HSD17B12: variants seen among roughly 807,000 people sequenced by gnomAD.
HSD17B12 encodes the protein hydroxysteroid 17-beta dehydrogenase 12, also known as very-long-chain 3-oxoacyl-CoA reductase.
Under a neutral mutation model 39.3 loss-of-function variants are expected in HSD17B12, and 32 were observed. The ratio of observed to expected loss-of-function variants is 0.81; its 90% confidence interval spans 0.61 to 1.09. The LOEUF (loss-of-function observed/expected upper bound fraction) is 1.09. Among genes scored for constraint, HSD17B12 ranks in the 50% least tolerant of loss-of-function variants. HSD17B12 has a pLI of 0.00. For synonymous variants in HSD17B12, 150 were observed against 146.7 expected (o/e 1.02, Z -0.16); for missense variants, 342 against 382.9 (o/e 0.89, Z 0.89).
chr11:43,631,293 G>A, the HSD17B12 span, among the ~76,000 whole-genome samples: 1 of 152,130 alleles, frequency 6.6e-6, no homozygotes, highest in African/African-American at 2.4e-5. Flanking sequence ...GAAAGTAAAG[G>A]ATCCCAGGCA....
chr11:43,624,057 G>GAA, the HSD17B12 span, among the ~76,000 whole-genome samples: 1 of 151,032 alleles, frequency 6.6e-6, no homozygotes, highest in African/African-American at 2.4e-5. Flanking sequence ...TAATTCAAAG[G>GAA]AAAAAAAAAT....
chr11:43,670,706 C>A, the HSD17B12 span, among the ~76,000 whole-genome samples: 1 of 151,970 alleles, frequency 6.6e-6, no homozygotes, highest in African/African-American at 2.4e-5. Context: ...GCCTAGGCGA[C>A]ATAGCAAGGC....
chr11:43,698,138 C>T (rs1181146261), intron 1 of HSD17B12, among the ~76,000 whole-genome samples: 2 of 152,044 alleles, frequency 1.3e-5, no homozygotes, highest in Non-Finnish European at 2.9e-5. Context: ...GTTATGGGCC[C>T]TTGTCATAAA....
the HSD17B12 span, chr11:43,645,507 G>A: frequency 6.6e-6 from 1 of 152,256 alleles, no homozygotes; most frequent in South Asian, 2.1e-4. Context: ...TTTAGTTTTA[G>A]GGGCCACCAC....
chr11:43,811,698 A>C (rs1951074886), intron 4 of HSD17B12, among the ~76,000 whole-genome samples: 1 of 152,032 alleles, frequency 6.6e-6, no homozygotes, highest in African/African-American at 2.4e-5. Context: ...TGTCACTTTG[A>C]GTATCATTTC....
At chr11:43,601,840 A>G in the HSD17B12 span, among the ~76,000 whole-genome samples, 1 of 152,230 alleles carries the variant, frequency 6.6e-6, no homozygotes, top group Non-Finnish European at 1.5e-5. Context: ...GCTTCTCACC[A>G]GGTTTAGAAT....
intron 1 of HSD17B12, chr11:43,718,907 A>T: frequency 2.0e-6 from 2 of 983,350 alleles, no homozygotes; most frequent in Non-Finnish European, 3.2e-6. Flanking sequence ...TGCTGTCATC[A>T]AGTTTCCATT....
At chr11:43,807,714 T>A (rs1269004163) in intron 4 of HSD17B12, among the ~76,000 whole-genome samples, 1 of 152,140 alleles carries the variant, frequency 6.6e-6, no homozygotes, top group East Asian at 1.9e-4. Context: ...AGATGATGAA[T>A]GTTTACATTA....
intron 1 of HSD17B12, among the ~76,000 whole-genome samples, chr11:43,699,643 C>T (rs970477385): frequency 6.6e-6 from 1 of 151,910 alleles, no homozygotes; most frequent in Non-Finnish European, 1.5e-5. Context: ...TTTTTCTCTT[C>T]TCTTGTGTTC....
chr11:43,670,664 G>C, the HSD17B12 span, among the ~76,000 whole-genome samples: 2 of 152,206 alleles, frequency 1.3e-5, no homozygotes, highest in Admixed American at 6.5e-5. Context: ...GCCAAGACAG[G>C]AGGATTGCTT....
chr11:43,630,176 A>G, the HSD17B12 span, among the ~76,000 whole-genome samples: 2 of 152,034 alleles, frequency 1.3e-5, no homozygotes, highest in Non-Finnish European at 2.9e-5. Flanking sequence ...ATTTTGGAAA[A>G]GTGAAATTTC....
chr11:43,702,757 T>C (rs1949976677), intron 1 of HSD17B12, among the ~76,000 whole-genome samples: 1 of 152,198 alleles, frequency 6.6e-6, no homozygotes, highest in Non-Finnish European at 1.5e-5. Flanking sequence ...TGGCTTTGAA[T>C]TGTGGCCCAA....
At chr11:43,560,818 C>A in the HSD17B12 span, among the ~76,000 whole-genome samples, 1 of 152,198 alleles carries the variant, frequency 6.6e-6, no homozygotes, top group African/African-American at 2.4e-5. Context: ...AAGTTGCACG[C>A]TCCTGAAGTC....
intron 1 of HSD17B12, chr11:43,724,259 G>GTT (rs1950201566): frequency 6.7e-6 from 1 of 148,848 alleles, no homozygotes; most frequent in South Asian, 2.1e-4. Flanking sequence ...GTGTGTGTGT[G>GTT]TTTTCGTTTA....
intron 1 of HSD17B12, among the ~76,000 whole-genome samples, chr11:43,736,666 A>T (rs1950319262): frequency 6.6e-6 from 1 of 152,216 alleles, no homozygotes; most frequent in East Asian, 1.9e-4. Flanking sequence ...TGATTAGGAG[A>T]ACAAGTTAGA....
the HSD17B12 span, among the ~76,000 whole-genome samples, chr11:43,648,362 T>C: frequency 6.6e-6 from 1 of 152,024 alleles, no homozygotes; most frequent in Non-Finnish European, 1.5e-5. Context: ...AATTTCTTTT[T>C]TGGGAAAAAA....
At chr11:43,746,121 AG>A (rs1166541628) in intron 1 of HSD17B12, among the ~76,000 whole-genome samples, 9 of 152,196 alleles carry the variant, frequency 5.9e-5, no homozygotes, top group African/African-American at 1.9e-4. Context: ...GTGAGTGGTG[AG>A]TGAATGTGAA....
chr11:43,679,345 A>G (rs1156569127), upstream of HSD17B12, among the ~76,000 whole-genome samples: 1 of 152,200 alleles, frequency 6.6e-6, no homozygotes, highest in Admixed American at 6.5e-5. Context: ...AGTTCTGGCC[A>G]GGGCAATCAG....
chr11:43,615,635 C>T, the HSD17B12 span, among the ~76,000 whole-genome samples: 3 of 152,104 alleles, frequency 2.0e-5, no homozygotes, highest in Admixed American at 6.5e-5. Context: ...TGACATAATG[C>T]GTTTTCCTTT....
Sources: allele counts gnomAD v4.1 joint callset (sites outside exome capture counted in the v4.1 genomes callset), GRCh38; gene constraint gnomAD v4.1.1; transcripts MANE v1.5; gene names NCBI Gene and HGNC (gene_info 2026-07-23, HGNC 2026-07-21).